The following THSD7B variants were observed in gnomAD, a reference collection of about 807,000 sequenced individuals.
THSD7B encodes the protein thrombospondin type 1 domain containing 7B.
In THSD7B, 138 loss-of-function variants were observed where a neutral mutation model predicts 213.6. That is an observed-to-expected ratio of 0.65 (90% confidence interval 0.56 to 0.74). The LOEUF (loss-of-function observed/expected upper bound fraction) is 0.74, where lower values mean the gene tolerates loss of function less well. Ranked by LOEUF, THSD7B falls within the 30% of genes least tolerant of loss-of-function variation. The probability of loss-of-function intolerance (pLI) is 0.00; values close to 1 mark genes in which losing one functional copy is unlikely to be tolerated. For synonymous variants in THSD7B, 742 were observed against 687.0 expected (o/e 1.08, Z -1.25); for missense variants, 1,931 against 1,991.5 (o/e 0.97, Z 0.58).
rs575634707 is a variant in THSD7B at position 137,594,866 on chromosome 2, A to C, written c.3424-21309A>C. 7.2e-5 allele frequency among the ~76,000 whole-genome samples: 11 copies of C among 152,026 alleles called. No individual in the cohort carries two copies. In the South Asian group the frequency reaches 2.3e-3, roughly 32 times the overall value. On this transcript the variant is annotated intron_variant, in intron 17 of 27. Transcript: ENST00000409968. The stretch of plus-strand genomic sequence containing the variant: ...GAATATGGCATATCTCTCCATTGTT[A>C]AGATCTTTCTTAATTTATTTCAACA...
chr2:136,780,317 A>G (rs1278541195), intron 1 of THSD7B, among the ~76,000 whole-genome samples: 1 of 152,100 alleles, frequency 6.6e-6, no homozygotes, highest in African/African-American at 2.4e-5. Flanking sequence ...GCCCTTTTAC[A>G]GCAGCATCCA....
Position 137,170,893 on chromosome 2 carries a change from G to A in THSD7B, c.1678G>A (p.Gly560Ser). The change falls in exon 7 of 28, where the codon GGC becomes AGC. Residue 560 changes from glycine to serine, a missense_variant. Transcript: ENST00000409968. ...CTGTTTCCCTGATCATGGAAAATGT[G>A]GCCTGGGACATCGTATTCTGAAGGC... Reference protein sequence around the residue: ...GICFPDHGKCGLGHRILKAVC... With the variant: ...GICFPDHGKCSLGHRILKAVC... The A allele has an allele frequency of 6.2e-7, 1 of 1,613,318 alleles. No individual in the cohort carries two copies.
At chr2:136,961,324 C>T (rs1685214987) in intron 2 of THSD7B, among the ~76,000 whole-genome samples, 1 of 150,444 alleles carries the variant, frequency 6.6e-6, no homozygotes, top group Non-Finnish European at 1.5e-5. Flanking sequence ...AGGTTCACGC[C>T]ATTCTCTTGC....
intron 7 of THSD7B, among the ~76,000 whole-genome samples, chr2:137,215,530 T>G (rs72844320): frequency 0.28 from 42,506 of 152,084 alleles, 6,658 homozygotes; most frequent in Non-Finnish European, 0.35. Context: ...CCCTCAGTCA[T>G]GGGAGGAAAC....
intron 1 of THSD7B, among the ~76,000 whole-genome samples, chr2:136,782,427 T>A (rs1398233176): frequency 6.6e-6 from 1 of 152,204 alleles, no homozygotes; most frequent in South Asian, 2.1e-4. Context: ...GCATTTCAAT[T>A]GTCAAAAACA....
chr2:137,309,378 C>G (rs1157823038), intron 12 of THSD7B, among the ~76,000 whole-genome samples: 1 of 151,352 alleles, frequency 6.6e-6, no homozygotes, highest in Non-Finnish European at 1.5e-5. Flanking sequence ...GATAATAAGC[C>G]TTTTTGTCAC....
At position 136,995,339 on chromosome 2, in the gene THSD7B, C is replaced by G. The variant is rs535795924; in HGVS notation, c.140-61081C>G. On this transcript the variant is annotated intron_variant, in intron 2 of 27. Transcript: ENST00000409968. The stretch of plus-strand genomic sequence containing the variant: ...TGGGCAGTAGGGAAGCCTAGGATCA[C>G]AGAGACTCATGGACCAGCAAATCTG... Among the ~76,000 whole-genome samples, 142 of 152,058 alleles carry G rather than the reference C, an allele frequency of 9.3e-4. 1 individual carries two copies. The highest frequency in any genetic ancestry group is 3.4e-3 in the African/African-American group (141 of 41,440).
At chr2:137,642,665 T>G (rs771565525) in intron 21 of THSD7B, 32 bp downstream of exon 21, 1 of 1,609,938 alleles carries the variant, frequency 6.2e-7, no homozygotes, top group Non-Finnish European at 8.5e-7. Context: ...AGAGAAATAT[T>G]CATCAGTATA....
intron 15 of THSD7B, among the ~76,000 whole-genome samples, chr2:137,454,146 C>T (rs1184098576): frequency 6.6e-6 from 1 of 152,112 alleles, no homozygotes; most frequent in Admixed American, 6.5e-5. Flanking sequence ...ATTGCTGGAT[C>T]ATATAATGCT....
intron 12 of THSD7B, among the ~76,000 whole-genome samples, chr2:137,385,239 T>C (rs896000756): frequency 3.9e-5 from 6 of 152,198 alleles, no homozygotes; most frequent in African/African-American, 9.6e-5. Flanking sequence ...CTAGTGTTAA[T>C]TGGCATTTTT....
chr2:137,451,098 A>G (rs1384065938), intron 15 of THSD7B, 75 bp downstream of exon 15: 9 of 1,397,280 alleles, frequency 6.4e-6, no homozygotes, highest in Middle Eastern at 1.9e-4. Flanking sequence ...AATTGAAGTC[A>G]TTCTCTTATT....
intron 2 of THSD7B, among the ~76,000 whole-genome samples, chr2:137,043,331 A>G (rs888521570): frequency 2.6e-4 from 40 of 152,078 alleles, no homozygotes; most frequent in African/African-American, 9.2e-4. Flanking sequence ...TTTTCCTGAT[A>G]GGCTGGCTGG....
intron 2 of THSD7B, among the ~76,000 whole-genome samples, chr2:136,955,965 C>A (rs1361000082): frequency 6.7e-6 from 1 of 149,406 alleles, no homozygotes; most frequent in African/African-American, 2.5e-5. Context: ...GGAGGCAGAG[C>A]TTGCAGTGAG....
At chr2:136,913,437 G>A (rs1318722380) in intron 2 of THSD7B, among the ~76,000 whole-genome samples, 1 of 152,246 alleles carries the variant, frequency 6.6e-6, no homozygotes, top group African/African-American at 2.4e-5. Flanking sequence ...AACGTAAGTA[G>A]CAAGGAGCCT....
intron 2 of THSD7B, among the ~76,000 whole-genome samples, chr2:136,901,751 C>T (rs1207039472): frequency 6.6e-6 from 1 of 152,202 alleles, no homozygotes; most frequent in African/African-American, 2.4e-5. Context: ...ACCAGGATTT[C>T]TACAAAGCAA....
chr2:137,628,598 G>A (rs1181988488), intron 20 of THSD7B, among the ~76,000 whole-genome samples: 8 of 152,242 alleles, frequency 5.3e-5, no homozygotes, highest in African/African-American at 9.6e-5. Flanking sequence ...AGTTGGTTGC[G>A]CCTCTGTCCA....
At chr2:137,198,202 T>A (rs1343894488) in intron 7 of THSD7B, among the ~76,000 whole-genome samples, 1 of 152,172 alleles carries the variant, frequency 6.6e-6, no homozygotes, top group Non-Finnish European at 1.5e-5. Context: ...CAGAAATCAA[T>A]GAGACTGGCA....
intron 2 of THSD7B, among the ~76,000 whole-genome samples, chr2:136,989,649 A>G (rs1212395131): frequency 1.3e-5 from 2 of 152,210 alleles, no homozygotes; most frequent in South Asian, 2.1e-4. Context: ...AGTATGTTCC[A>G]AAGACTAAAG....
chr2:137,531,875 G>A (rs1680405527), intron 15 of THSD7B, among the ~76,000 whole-genome samples: 1 of 151,954 alleles, frequency 6.6e-6, no homozygotes, highest in Non-Finnish European at 1.5e-5. Context: ...AAATTTGGGT[G>A]AGTTGTGGTA....
Sources: gnomAD v4.1 joint callset for allele counts (sites outside exome capture counted in the v4.1 genomes callset) on GRCh38, gnomAD v4.1.1 for gene constraint, MANE v1.5 for transcripts, NCBI Gene and HGNC (gene_info 2026-07-23, HGNC 2026-07-21) for gene names.